SCHIP1: variants seen among roughly 807,000 people sequenced by gnomAD.
SCHIP1 encodes the protein schwannomin interacting protein 1.
A neutral mutation model predicts 29.7 loss-of-function variants in SCHIP1; 8 were observed. The ratio of observed to expected loss-of-function variants is 0.27; its 90% confidence interval spans 0.16 to 0.49. SCHIP1 has a LOEUF of 0.49. Among genes scored for constraint, SCHIP1 ranks in the 20% least tolerant of loss-of-function variants. The pLI, the probability that SCHIP1 is intolerant of heterozygous loss-of-function variation, is 0.99. For missense variants in SCHIP1, 193 were observed against 294.6 expected (o/e 0.66, Z 2.52); for synonymous variants, 76 against 94.9 (o/e 0.80, Z 1.16).
At chr3:159,434,547 T>G in the SCHIP1 span, among the ~76,000 whole-genome samples, 2 of 152,240 alleles carry the variant, frequency 1.3e-5, no homozygotes, top group Admixed American at 1.3e-4. Context: ...AGCAAGATGG[T>G]TACCAAAGCT....
the SCHIP1 span, among the ~76,000 whole-genome samples, chr3:159,530,402 A>G: frequency 6.6e-6 from 1 of 152,088 alleles, no homozygotes; most frequent in Non-Finnish European, 1.5e-5. Context: ...TGACCACCAT[A>G]TGGCACCAAC....
the SCHIP1 span, among the ~76,000 whole-genome samples, chr3:159,502,054 T>C: frequency 2.0e-5 from 3 of 152,204 alleles, no homozygotes; most frequent in South Asian, 6.2e-4. Flanking sequence ...AAACTCGATA[T>C]AGAGAAATTT....
At chr3:159,636,928 T>C in the SCHIP1 span, among the ~76,000 whole-genome samples, 2 of 152,242 alleles carry the variant, frequency 1.3e-5, no homozygotes, top group African/African-American at 2.4e-5. Context: ...TAGTTGTAGT[T>C]TGTAGTTTTA....
At chr3:159,273,755 C>A in the SCHIP1 span, 141 of 1,593,836 alleles carry the variant, frequency 8.8e-5, no homozygotes, top group Non-Finnish European at 1.2e-4. Context: ...TTACGGATTT[C>A]TTTCAAAGCC....
the SCHIP1 span, among the ~76,000 whole-genome samples, chr3:159,301,331 C>T: frequency 6.6e-6 from 1 of 152,198 alleles, no homozygotes; most frequent in Admixed American, 6.5e-5. Flanking sequence ...TGTTACTCTA[C>T]ATAGCTCCTT....
At chr3:159,752,795 A>G in the SCHIP1 span, among the ~76,000 whole-genome samples, 2 of 152,304 alleles carry the variant, frequency 1.3e-5, no homozygotes, top group African/African-American at 4.8e-5. Context: ...ACTATAATTC[A>G]ACATGAGATT....
At chr3:159,414,971 C>G in the SCHIP1 span, among the ~76,000 whole-genome samples, 3 of 152,272 alleles carry the variant, frequency 2.0e-5, no homozygotes, top group Non-Finnish European at 4.4e-5. Context: ...AACAGGCCAC[C>G]AATCAGTACT....
At chr3:159,768,656 A>G in the SCHIP1 span, 2 of 152,286 alleles carry the variant, frequency 1.3e-5, no homozygotes, top group Non-Finnish European at 2.9e-5. Context: ...GTCAGGAACT[A>G]TCTTTGGTGT....
the SCHIP1 span, among the ~76,000 whole-genome samples, chr3:159,559,686 AT>A: frequency 6.6e-6 from 1 of 152,154 alleles, no homozygotes. Context: ...ATTACATTAG[AT>A]TCTCTCTAGC....
the SCHIP1 span, among the ~76,000 whole-genome samples, chr3:159,451,665 A>G: frequency 7.2e-5 from 11 of 152,362 alleles, no homozygotes; most frequent in African/African-American, 2.6e-4. Flanking sequence ...ATGTTTATTC[A>G]CTGAATAATC....
chr3:159,508,511 T>G, the SCHIP1 span, among the ~76,000 whole-genome samples: 3 of 152,228 alleles, frequency 2.0e-5, no homozygotes, highest in Non-Finnish European at 1.5e-5. Flanking sequence ...TTCTGCTAGC[T>G]TTTGAATGTG....
At chr3:159,398,012 G>A in the SCHIP1 span, among the ~76,000 whole-genome samples, 1 of 152,188 alleles carries the variant, frequency 6.6e-6, no homozygotes, top group Non-Finnish European at 1.5e-5. Context: ...GCCAGGTGCG[G>A]GATATAATCT....
the SCHIP1 span, among the ~76,000 whole-genome samples, chr3:159,615,485 TGA>T: frequency 6.6e-6 from 1 of 152,176 alleles, no homozygotes. Context: ...CTAAGTCAAT[TGA>T]GAGAGCTACA....
At chr3:159,543,797 A>T in the SCHIP1 span, among the ~76,000 whole-genome samples, 1 of 152,120 alleles carries the variant, frequency 6.6e-6, no homozygotes. Context: ...CGCCACACTG[A>T]CTTCCACAAT....
the SCHIP1 span, chr3:159,765,253 C>A: frequency 8.0e-7 from 1 of 1,256,360 alleles, no homozygotes; most frequent in Non-Finnish European, 1.1e-6. Flanking sequence ...CATTCTTCCT[C>A]GAGGGTGGGG....
the SCHIP1 span, among the ~76,000 whole-genome samples, chr3:159,726,800 G>C: frequency 6.6e-6 from 1 of 152,164 alleles, no homozygotes; most frequent in African/African-American, 2.4e-5. Context: ...CCATTTCCCA[G>C]GTGCAAACCT....
the SCHIP1 span, chr3:159,763,923 C>A: frequency 6.6e-6 from 1 of 152,012 alleles, no homozygotes; most frequent in Non-Finnish European, 1.5e-5. Context: ...ACCCGGGCTC[C>A]CAGCCGCGGG....
the SCHIP1 span, among the ~76,000 whole-genome samples, chr3:159,598,400 A>G: frequency 6.6e-6 from 1 of 152,220 alleles, no homozygotes; most frequent in Non-Finnish European, 1.5e-5. Context: ...GTGTGCAGGC[A>G]TTGGATAAAT....
At chr3:159,377,418 G>C in the SCHIP1 span, among the ~76,000 whole-genome samples, 17 of 152,202 alleles carry the variant, frequency 1.1e-4, no homozygotes, top group East Asian at 3.3e-3. Flanking sequence ...CTTTTCTTTT[G>C]CAAATGATTT....
Sources: allele counts gnomAD v4.1 joint callset (sites outside exome capture counted in the v4.1 genomes callset), GRCh38; gene constraint gnomAD v4.1.1; transcripts MANE v1.5; gene names NCBI Gene and HGNC (gene_info 2026-07-23, HGNC 2026-07-21).